Variants in GRIK2 observed in about 807,000 individuals in gnomAD.
The protein encoded by GRIK2 is glutamate receptor ionotropic, kainate 2.
In GRIK2, 32 loss-of-function variants were observed where a neutral mutation model predicts 100.3. The ratio of observed to expected loss-of-function variants is 0.32; its 90% CI spans 0.24 to 0.43. The LOEUF (loss-of-function observed/expected upper bound fraction) is 0.43. Ranked by LOEUF, GRIK2 falls within the 20% of genes least tolerant of loss-of-function variation. The pLI is 1.00. For missense variants in GRIK2, 843 were observed against 1,114.9 expected (o/e 0.76, Z 3.47); for synonymous variants, 417 against 389.4 (o/e 1.07, Z -0.83).
chr6:101,917,022 G>T (rs2791786), intron 12 of GRIK2, among the ~76,000 whole-genome samples: 141,989 of 151,524 alleles, frequency 0.94, 66,565 homozygotes, highest in Middle Eastern at 0.97. Context: ...TTAACAGATA[G>T]GTGGTAAGGT....
chr6:102,039,062 A>G (rs541877107), intron 15 of GRIK2, among the ~76,000 whole-genome samples: 44 of 151,408 alleles, frequency 2.9e-4, no homozygotes, highest in African/African-American at 1.0e-3. Context: ...ATTTTCCCCC[A>G]AATTCATATA....
At chr6:101,498,024 C>A (rs1380642713) in intron 2 of GRIK2, among the ~76,000 whole-genome samples, 1 of 121,140 alleles carries the variant, frequency 8.3e-6, no homozygotes, top group Non-Finnish European at 1.7e-5. Context: ...CCCCTCCCCC[C>A]ACCCCACAAC....
intron 15 of GRIK2, among the ~76,000 whole-genome samples, chr6:102,048,101 C>A (rs1770991494): frequency 6.6e-6 from 1 of 150,824 alleles, no homozygotes; most frequent in African/African-American, 2.4e-5. Flanking sequence ...ATCAAGAACA[C>A]CCAATGGAAA....
intron 2 of GRIK2, among the ~76,000 whole-genome samples, chr6:101,465,007 A>G (rs180743826): frequency 2.0e-5 from 3 of 152,088 alleles, no homozygotes; most frequent in African/African-American, 7.2e-5. Context: ...CATCTGCACC[A>G]CTCCCTTTAA....
chr6:101,552,678 A>C (rs1450598927), intron 2 of GRIK2, among the ~76,000 whole-genome samples: 1 of 152,158 alleles, frequency 6.6e-6, no homozygotes, highest in Non-Finnish European at 1.5e-5. Flanking sequence ...GGCACTAATC[A>C]TGATGCTCTG....
chr6:101,855,128 A>G (rs1784357075), intron 10 of GRIK2, among the ~76,000 whole-genome samples: 1 of 152,198 alleles, frequency 6.6e-6, no homozygotes, highest in Non-Finnish European at 1.5e-5. Context: ...GACCTTAAGG[A>G]AAAGAAAATA....
intron 12 of GRIK2, among the ~76,000 whole-genome samples, chr6:101,907,376 CT>C (rs1341569230): frequency 5.2e-5 from 4 of 77,166 alleles, no homozygotes; most frequent in East Asian, 7.7e-4. Flanking sequence ...TTCTAGGCCC[CT>C]GTCTGATTTA....
intron 14 of GRIK2, among the ~76,000 whole-genome samples, chr6:101,942,396 G>A (rs1791010736): frequency 6.6e-6 from 1 of 152,176 alleles, no homozygotes; most frequent in African/African-American, 2.4e-5. Context: ...TTTGGAACTA[G>A]GTAACGGGAA....
At chr6:101,433,729 A>G (rs959507898) in intron 2 of GRIK2, among the ~76,000 whole-genome samples, 1 of 152,176 alleles carries the variant, frequency 6.6e-6, no homozygotes, top group Non-Finnish European at 1.5e-5. Context: ...AAACAGAGCA[A>G]TGGCCCATAG....
At chr6:101,561,953 G>T (rs1268071534) in intron 2 of GRIK2, among the ~76,000 whole-genome samples, 1 of 152,044 alleles carries the variant, frequency 6.6e-6, no homozygotes, top group Admixed American at 6.6e-5. Context: ...ATATGTGGGG[G>T]TCATCCTTAT....
At chr6:101,882,029 G>T (rs1286402289) in intron 11 of GRIK2, among the ~76,000 whole-genome samples, 1 of 151,980 alleles carries the variant, frequency 6.6e-6, no homozygotes, top group Non-Finnish European at 1.5e-5. Context: ...TCACATGGTG[G>T]CAGACAAGAG....
chr6:101,469,507 A>G (rs2128255354), intron 2 of GRIK2, among the ~76,000 whole-genome samples: 1 of 152,304 alleles, frequency 6.6e-6, no homozygotes, highest in Non-Finnish European at 1.5e-5. Flanking sequence ...ATTGATATCT[A>G]ATATTTACTT....
chr6:101,957,813 A>G (rs909019733), intron 14 of GRIK2, among the ~76,000 whole-genome samples: 1 of 151,880 alleles, frequency 6.6e-6, no homozygotes, highest in African/African-American at 2.4e-5. Flanking sequence ...ACTTTTGTCA[A>G]TTTTGTTGAA....
At chr6:101,835,522 T>A (rs551990324) in intron 10 of GRIK2, among the ~76,000 whole-genome samples, 1 of 145,124 alleles carries the variant, frequency 6.9e-6, no homozygotes, top group Admixed American at 7.2e-5. Flanking sequence ...CCAGGCAGGA[T>A]TGTAGTGGCA....
intron 4 of GRIK2, among the ~76,000 whole-genome samples, chr6:101,636,105 C>G (rs979578362): frequency 1.3e-5 from 2 of 152,032 alleles, no homozygotes; most frequent in Admixed American, 1.3e-4. Context: ...AACCCAAATG[C>G]CCATCAATAA....
Position 101,954,564 on chromosome 6 carries a change from T to C in GRIK2, c.2085+25932T>C, listed in dbSNP as rs1390249651. ...ATTTTTGTATAGTGATTTTACATAC[T>C]GCAGTGGGTTAGAACTCTTCTATTA... On this transcript the variant is annotated intron_variant, in intron 14 of 16. Coordinates refer to ENST00000369134, the MANE Select transcript of GRIK2 (RefSeq NM_021956.5). 3.9e-5 allele frequency among the ~76,000 whole-genome samples: 6 copies of C among 152,150 alleles called. No homozygotes were observed. The East Asian group carries it at 1.2e-3, about 29-fold the overall frequency.
chr6:102,036,804 T>C (rs1770296748), intron 15 of GRIK2, among the ~76,000 whole-genome samples: 1 of 151,522 alleles, frequency 6.6e-6, no homozygotes, highest in South Asian at 2.1e-4. Flanking sequence ...GGTAATATTT[T>C]AGAGTAGCAA....
rs1161687784 is a variant in GRIK2, at chr6:101,665,942, G to A, written c.542-10681G>A. Among the ~76,000 whole-genome samples the A allele has an allele frequency of 2.0e-5, 3 of 152,158 alleles. No homozygotes were observed. In the South Asian group the frequency reaches 6.2e-4, roughly 32 times the overall value. On this transcript the variant is annotated intron_variant, in intron 4 of 16. Transcript: ENST00000369134. ...GGTACAGAGATGGAGAACTAGTTTG[G>A]GAATACTGTTTGTAGTATCTATTAA...
rs1215343262 is a variant in GRIK2, at chr6:101,800,279, T to G, written c.1095+488T>G. Among the ~76,000 whole-genome samples, 3 of 151,802 alleles carry G rather than the reference T, an allele frequency of 2.0e-5. No individual in the cohort carries two copies. In the East Asian group the frequency reaches 5.8e-4, roughly 29 times the overall value. ...AGTGCAAAATTTACTCCATGTTATA[T>G]AATGCAACCATTCTTATGACCATAT... On this transcript the variant is annotated intron_variant, in intron 8 of 16. Transcript: ENST00000369134.
Sources: allele counts gnomAD v4.1 joint callset (sites outside exome capture counted in the v4.1 genomes callset), GRCh38; gene constraint gnomAD v4.1.1; transcripts MANE v1.5; gene names NCBI Gene and HGNC (gene_info 2026-07-23, HGNC 2026-07-21).